Variants in SPATA17 observed in about 807,000 individuals in gnomAD.
SPATA17 encodes spermatogenesis-associated protein 17.
SPATA17 carries 53 observed loss-of-function variants against 62.2 expected under a neutral mutation model. That is an observed-to-expected ratio of 0.85 (90% CI 0.68 to 1.07). SPATA17 has a LOEUF of 1.07. Among genes scored for constraint, SPATA17 ranks in the 50% least tolerant of loss-of-function variants. SPATA17 has a pLI of 0.00. For missense variants in SPATA17, 466 were observed against 425.5 expected, an observed-to-expected ratio of 1.10 and a Z score of -0.84; for synonymous variants, 146 against 146.8, an observed-to-expected ratio of 0.99 and a Z score of 0.04.
intron 9 of SPATA17, among the ~76,000 whole-genome samples, chr1:217,823,766 T>C (rs1410659657): frequency 6.6e-6 from 1 of 152,056 alleles, no homozygotes; most frequent in East Asian, 1.9e-4. Context: ...GATCTTTTAA[T>C]ATTTGCTTTA....
rs774396432 is a variant in SPATA17, at chr1:217,786,765, CTTCTTCTTCT to C, written c.872+4445_872+4454del. 3.2e-3 allele frequency among the ~76,000 whole-genome samples: 470 copies of C among 146,786 alleles called. 8 individuals are homozygous for C. In the South Asian group the frequency reaches 0.044, roughly 14 times the overall value. On this transcript the variant is annotated intron_variant, in intron 8 of 10. Transcript: ENST00000366933. ...TGATATTCTCTTTCTTCTTCTTCTTCTTCTTCTTCTTCTTCTTCTTCTTCTTCTTCTTCTT... is the reference window on the plus strand; with the variant it reads ...TGATATTCTCTTTCTTCTTCTTCTTCTCTTCTTCTTCTTCTTCTTCTTCTT...
Sources: gnomAD v4.1 joint callset for allele counts (sites outside exome capture counted in the v4.1 genomes callset) on GRCh38, gnomAD v4.1.1 for gene constraint, MANE v1.5 for transcripts, NCBI Gene and HGNC (gene_info 2026-07-23, HGNC 2026-07-21) for gene names.